Variants in FNBP1L observed in about 807,000 individuals in gnomAD.
FNBP1L encodes the protein formin-binding protein 1-like.
FNBP1L carries 36 observed loss-of-function variants against 91.2 expected under a neutral mutation model. The observed-to-expected ratio is 0.39, with a 90% CI of 0.30 to 0.52. The LOEUF (loss-of-function observed/expected upper bound fraction) is 0.52, where lower values mean the gene tolerates loss of function less well. Among genes scored for constraint, FNBP1L ranks in the 20% least tolerant of loss-of-function variants. The pLI is 0.66. For missense variants in FNBP1L, 571 were observed against 732.1 expected (o/e 0.78, Z 2.54); for synonymous variants, 242 against 237.0 (o/e 1.02, Z -0.19).
At chr1:93,459,352 A>G (rs1380139600) in intron 1 of FNBP1L, among the ~76,000 whole-genome samples, 4 of 152,216 alleles carry the variant, frequency 2.6e-5, no homozygotes, top group African/African-American at 9.6e-5. Context: ...TTAATACTCA[A>G]AATATGTAAG....
chr1:93,510,063 T>G, intron 2 of FNBP1L, among the ~76,000 whole-genome samples: 1 of 152,150 alleles, frequency 6.6e-6, no homozygotes, highest in East Asian at 1.9e-4. Context: ...CCAGGCTTGC[T>G]TAGGTAAACA....
At chr1:93,480,179 C>T (rs766293289) in intron 1 of FNBP1L, among the ~76,000 whole-genome samples, 1 of 152,264 alleles carries the variant, frequency 6.6e-6, no homozygotes, top group African/African-American at 2.4e-5. Context: ...GCATGCAGTT[C>T]TTCATTTTAT....
rs190840369 is a variant in FNBP1L, at chr1:93,496,183, A to G, written c.25-3285A>G. Among the ~76,000 whole-genome samples, 290 of 152,000 alleles carry G rather than the reference A, an allele frequency of 1.9e-3. 2 individuals carry two copies. The highest frequency in any genetic ancestry group is 6.7e-3 in the African/African-American group (279 of 41,476). On this transcript the variant is annotated intron_variant, in intron 1 of 16. Transcript: ENST00000271234. ...GAGCATAATCTGCTTTACTTAAAAC[A>G]CACCTATTTAAATATTAATTTTTTC...
At chr1:93,544,892 G>C (rs1399137048) in intron 12 of FNBP1L, among the ~76,000 whole-genome samples, 2 of 152,084 alleles carry the variant, frequency 1.3e-5, no homozygotes, top group African/African-American at 2.4e-5. Flanking sequence ...ATTCACAGTA[G>C]CTGTGTTCTG....
chr1:93,545,659 A>G (rs1192186042), intron 12 of FNBP1L, among the ~76,000 whole-genome samples: 2 of 152,156 alleles, frequency 1.3e-5, no homozygotes, highest in Non-Finnish European at 2.9e-5. Flanking sequence ...AACTGTATGA[A>G]GAGTAAATAG....
intron 1 of FNBP1L, among the ~76,000 whole-genome samples, chr1:93,461,231 CTT>C (rs1360597346): frequency 6.6e-6 from 1 of 152,132 alleles, no homozygotes; most frequent in Non-Finnish European, 1.5e-5. Context: ...GTTCAGATCC[CTT>C]TTTTCTTTTC....
chr1:93,510,453 T>C (rs1168777123), intron 2 of FNBP1L, among the ~76,000 whole-genome samples: 3 of 151,940 alleles, frequency 2.0e-5, no homozygotes, highest in African/African-American at 7.3e-5. Flanking sequence ...CAAAAACCCA[T>C]CTGTACATCA....
intron 5 of FNBP1L, among the ~76,000 whole-genome samples, chr1:93,529,380 G>T (rs769672443): frequency 6.6e-6 from 1 of 152,054 alleles, no homozygotes; most frequent in African/African-American, 2.4e-5. Context: ...ATTTTACTTA[G>T]TGCGCAGTTC....
chr1:93,459,938 C>A (rs1296717048), intron 1 of FNBP1L, among the ~76,000 whole-genome samples: 1 of 71,276 alleles, frequency 1.4e-5, no homozygotes, highest in African/African-American at 4.1e-5. Context: ...TTTTGGATTT[C>A]AGATGTGTGT....
At chr1:93,536,678 A>T (rs900195219) in intron 10 of FNBP1L, among the ~76,000 whole-genome samples, 188 bp downstream of exon 10, 1 of 152,112 alleles carries the variant, frequency 6.6e-6, no homozygotes, top group African/African-American at 2.4e-5. Context: ...GCTCAACCAT[A>T]AAAGAATGGT....
chr1:93,537,351 TC>T (rs1373549477), intron 10 of FNBP1L, among the ~76,000 whole-genome samples: 1 of 152,094 alleles, frequency 6.6e-6, no homozygotes, highest in Non-Finnish European at 1.5e-5. Context: ...GTTGTTTCGT[TC>T]TTCCTTCTTA....
chr1:93,460,116 T>G, intron 1 of FNBP1L, among the ~76,000 whole-genome samples: 1 of 152,082 alleles, frequency 6.6e-6, no homozygotes, highest in East Asian at 1.9e-4. Context: ...ACATTTCCGA[T>G]TTTGGATTTT....
intron 1 of FNBP1L, among the ~76,000 whole-genome samples, chr1:93,466,239 C>T (rs1669074273): frequency 6.6e-6 from 1 of 152,092 alleles, no homozygotes; most frequent in Non-Finnish European, 1.5e-5. Context: ...GCTTTTGTTG[C>T]CATTGCTTTT....
chr1:93,523,733 CAGGCTAAGAATGATTTTTAT>C (rs989362803), intron 4 of FNBP1L, among the ~76,000 whole-genome samples: 25 of 152,312 alleles, frequency 1.6e-4, no homozygotes, highest in African/African-American at 6.0e-4. Flanking sequence ...CTAGTTGCCA[CAGGCTAAGAATGATTTTTAT>C]ATTTTTAGAT....
At chr1:93,459,748 ATGG>A (rs1570761579) in intron 1 of FNBP1L, among the ~76,000 whole-genome samples, 1 of 152,192 alleles carries the variant, frequency 6.6e-6, no homozygotes, top group Non-Finnish European at 1.5e-5. Flanking sequence ...GGAAATTAGT[ATGG>A]TGAAGAGATA....
chr1:93,522,046 A>G, intron 2 of FNBP1L, 36 bp from the exon 3 acceptor site: 1 of 1,350,884 alleles, frequency 7.4e-7, no homozygotes, highest in Non-Finnish European at 1.0e-6. Flanking sequence ...AATAGTTGAA[A>G]TTTTTAATAA....
intron 1 of FNBP1L, among the ~76,000 whole-genome samples, chr1:93,485,892 G>A (rs1318563617): frequency 6.6e-6 from 1 of 152,148 alleles, no homozygotes; most frequent in Non-Finnish European, 1.5e-5. Flanking sequence ...TAGAGATGGG[G>A]TTTCACCATG....
rs1477999255 is a variant in FNBP1L at position 93,551,172 on chromosome 1, TA to T, written c.1810+71del. 2.8e-6 allele frequency: 4 copies of T among 1,446,604 alleles called. No homozygotes were observed. In the Admixed American group the frequency reaches 9.7e-5, roughly 35 times the overall value. The allele number at this position is 1,446,604 out of a possible 1,614,324, so 89.6% of individuals were successfully genotyped here. ...CATGTGTGACATAGGAAGAGTAACA[TA>T]AAATGAAAACACATTCAACAGGTTG... On this transcript the variant is annotated intron_variant, in intron 16 of 16. Transcript: ENST00000271234.
intron 2 of FNBP1L, among the ~76,000 whole-genome samples, chr1:93,521,065 C>T (rs74331335): frequency 6.6e-6 from 1 of 151,292 alleles, no homozygotes; most frequent in Non-Finnish European, 1.5e-5. Flanking sequence ...ACCAACCAAC[C>T]AACCAACCAA....
Sources: allele counts gnomAD v4.1 joint callset (sites outside exome capture counted in the v4.1 genomes callset), GRCh38; gene constraint gnomAD v4.1.1; transcripts MANE v1.5; gene names NCBI Gene and HGNC (gene_info 2026-07-23, HGNC 2026-07-21).